KCNC2: variants seen among roughly 807,000 people sequenced by gnomAD.
The protein encoded by KCNC2 is potassium voltage-gated channel subfamily C member 2, also known as voltage-gated potassium channel KCNC2.
In KCNC2, 21 loss-of-function variants were observed where a neutral mutation model predicts 44.5. The observed-to-expected ratio is 0.47, with a 90% CI of 0.33 to 0.68. KCNC2 has a LOEUF of 0.68. Among genes scored for constraint, KCNC2 ranks in the 30% least tolerant of loss-of-function variants. The pLI, the probability that KCNC2 is intolerant of heterozygous loss-of-function variation, is 0.01. For missense variants in KCNC2, 589 were observed against 826.2 expected (o/e 0.71, Z 3.52); for synonymous variants, 391 against 339.1 (o/e 1.15, Z -1.68).
Position 75,104,960 on chromosome 12 carries a change from G to A in KCNC2, c.688-53643C>T, listed in dbSNP as rs1372658063. On this transcript the variant is annotated intron_variant, in intron 2 of 4. Coordinates refer to ENST00000549446, the MANE Select transcript of KCNC2 (RefSeq NM_139137.4). Reference sequence around the variant, plus strand: ...AACAAATTTTTTTAGTATCTCCCATGTTAGGCACTGATTTAGGCACTTGAG... The same window carrying A: ...AACAAATTTTTTTAGTATCTCCCATATTAGGCACTGATTTAGGCACTTGAG... 2.0e-5 allele frequency among the ~76,000 whole-genome samples: 3 copies of A among 152,176 alleles called. No individual in the cohort carries two copies. The East Asian group carries it at 5.8e-4, about 29-fold the overall frequency.
chr12:75,123,881 T>G (rs1592920614), intron 2 of KCNC2: 2 of 152,200 alleles, frequency 1.3e-5, no homozygotes, highest in Admixed American at 1.3e-4. Flanking sequence ...AAGCCAAAAT[T>G]GAATACCACT....
rs1879894976 is a variant in KCNC2 at position 75,041,456 on chromosome 12, A to G, written c.*1649T>C. On this transcript the variant is annotated 3_prime_UTR_variant, in exon 5 of 5. Coordinates refer to ENST00000549446, the MANE Select transcript of KCNC2 (RefSeq NM_139137.4). ...AAAGTGACAATTGTCTTCCTAACAA[A>G]AAATAAACATGAGAAATAGGAATTA... 7.9e-7 allele frequency: 1 copy of G among 1,260,432 alleles called. No homozygotes were observed. Among genetic ancestry groups the G allele is most frequent in the Admixed American group, 3.3e-5 (1 of 29,916 alleles). 78.1% of individuals were successfully genotyped at this position (1,260,432 alleles called of 1,614,324 possible). A position where few individuals can be genotyped will look rare whatever the true frequency, so the allele number is the denominator to read the frequency against.
chr12:75,191,704 C>T (rs1358402582), intron 2 of KCNC2, among the ~76,000 whole-genome samples: 8 of 150,644 alleles, frequency 5.3e-5, no homozygotes, highest in Admixed American at 5.3e-4. Context: ...GCGCCCGGCA[C>T]CGCGCCCGGC....
intron 2 of KCNC2, among the ~76,000 whole-genome samples, chr12:75,051,969 T>C (rs982755112): frequency 2.6e-5 from 4 of 152,024 alleles, no homozygotes; most frequent in Non-Finnish European, 5.9e-5. Flanking sequence ...GCAATTTAAA[T>C]GAAAATGTCT....
chr12:75,201,078 A>G (rs2031205271), intron 2 of KCNC2, among the ~76,000 whole-genome samples: 1 of 151,410 alleles, frequency 6.6e-6, no homozygotes, highest in African/African-American at 2.4e-5. Flanking sequence ...AGAGCTGAAC[A>G]TCTTCATGGG....
chr12:75,117,975 T>A (rs1228660086), intron 2 of KCNC2, among the ~76,000 whole-genome samples: 1 of 152,168 alleles, frequency 6.6e-6, no homozygotes, highest in Non-Finnish European at 1.5e-5. Context: ...TCAATATATG[T>A]TAAAATTATT....
At chr12:75,191,766 G>C (rs1226582843) in intron 2 of KCNC2, among the ~76,000 whole-genome samples, 2 of 150,522 alleles carry the variant, frequency 1.3e-5, no homozygotes, top group Non-Finnish European at 3.0e-5. Flanking sequence ...AGCCAGGATG[G>C]TCTCGATCTC....
intron 2 of KCNC2, among the ~76,000 whole-genome samples, chr12:75,132,189 G>A (rs1888900640): frequency 6.6e-6 from 1 of 152,054 alleles, no homozygotes; most frequent in Non-Finnish European, 1.5e-5. Flanking sequence ...GTGAGATACT[G>A]CAGGTAATGA....
intron 2 of KCNC2, among the ~76,000 whole-genome samples, chr12:75,181,490 C>G (rs902616453): frequency 6.6e-6 from 1 of 152,014 alleles, no homozygotes; most frequent in African/African-American, 2.4e-5. Flanking sequence ...CTAAGTATAC[C>G]GCACCTTCCC....
In KCNC2 at chr12:75,056,409, A is replaced by T. The variant is rs184276838; in HGVS notation, c.688-5092T>A. ...AATTAACATCATGGGAAAATCATGA[A>T]AATAAGCTACCTAAAATATAATACT... On this transcript the variant is annotated intron_variant, in intron 2 of 4. Coordinates refer to ENST00000549446, the MANE Select transcript of KCNC2 (RefSeq NM_139137.4). Among the ~76,000 whole-genome samples, 4 of 152,092 alleles carry T rather than the reference A, an allele frequency of 2.6e-5. No homozygotes were observed. The East Asian group carries it at 7.7e-4, about 29-fold the overall frequency.
chr12:75,133,434 A>G (rs1176795872), intron 2 of KCNC2, among the ~76,000 whole-genome samples: 1 of 151,344 alleles, frequency 6.6e-6, no homozygotes, highest in Non-Finnish European at 1.5e-5. Flanking sequence ...TAAAAGGAAA[A>G]CAATACTACA....
At chr12:75,077,622 T>C (rs1456972206) in intron 2 of KCNC2, among the ~76,000 whole-genome samples, 1 of 152,196 alleles carries the variant, frequency 6.6e-6, no homozygotes, top group Admixed American at 6.5e-5. Flanking sequence ...ATACCTTTAT[T>C]TGTAGCTATA....
At chr12:75,145,871 G>A (rs910970375) in intron 2 of KCNC2, among the ~76,000 whole-genome samples, 1 of 151,364 alleles carries the variant, frequency 6.6e-6, no homozygotes, top group African/African-American at 2.4e-5. Context: ...TATTATATTT[G>A]TTTCAGGTCT....
chr12:75,142,545 A>G (rs1186188491), intron 2 of KCNC2, among the ~76,000 whole-genome samples: 2 of 152,214 alleles, frequency 1.3e-5, no homozygotes, highest in African/African-American at 2.4e-5. Context: ...TATTTTGCTC[A>G]TAGATCTGTA....
intron 2 of KCNC2, among the ~76,000 whole-genome samples, chr12:75,181,425 A>G (rs1175357498): frequency 3.3e-5 from 5 of 152,168 alleles, no homozygotes; most frequent in Non-Finnish European, 5.9e-5. Flanking sequence ...ATTGCAGAGT[A>G]GCAAAAGTTA....
At position 75,112,663 on chromosome 12, in the gene KCNC2, C is replaced by T. The variant is rs74697192; in HGVS notation, c.688-61346G>A. ...CTGAATTGATAAATTTAAGCCTGAA[C>T]TGTATTAGTAAGAAATATTCCCAAA... On this transcript the variant is annotated intron_variant, in intron 2 of 4. Coordinates refer to ENST00000549446, the MANE Select transcript of KCNC2 (RefSeq NM_139137.4). Among the ~76,000 whole-genome samples, 550 of 152,078 alleles carry T rather than the reference C, an allele frequency of 3.6e-3. 2 individuals are homozygous for T. Among genetic ancestry groups the T allele is most frequent in the Non-Finnish European group, 5.9e-3 (404 of 67,902 alleles).
At chr12:75,074,160 TA>T (rs1384352616) in intron 2 of KCNC2, among the ~76,000 whole-genome samples, 3 of 151,758 alleles carry the variant, frequency 2.0e-5, no homozygotes, top group Non-Finnish European at 4.4e-5. Context: ...AATATTCTAT[TA>T]CAGTACTAGT....
chr12:75,141,595 T>C (rs750655370), intron 2 of KCNC2, among the ~76,000 whole-genome samples: 9 of 147,576 alleles, frequency 6.1e-5, no homozygotes, highest in Non-Finnish European at 1.2e-4. Context: ...CATTTAAGCA[T>C]TCCATTTTAA....
At chr12:75,208,058 C>A in intron 1 of KCNC2, 56 bp from the exon 2 acceptor site, 1 of 1,589,010 alleles carries the variant, frequency 6.3e-7, no homozygotes, top group Non-Finnish European at 8.5e-7. Flanking sequence ...AAAGACACAC[C>A]ATGACCCCCA....
Sources: gnomAD v4.1 joint callset for allele counts (sites outside exome capture counted in the v4.1 genomes callset) on GRCh38, gnomAD v4.1.1 for gene constraint, MANE v1.5 for transcripts, NCBI Gene and HGNC (gene_info 2026-07-23, HGNC 2026-07-21) for gene names.